The following TSNARE1 variants were observed in gnomAD, a reference collection of about 807,000 sequenced individuals.
TSNARE1 encodes the protein t-SNARE domain-containing protein 1.
Under a neutral mutation model 62.0 loss-of-function variants are expected in TSNARE1, and 49 were observed. That is an observed-to-expected ratio of 0.79 (90% CI 0.63 to 1.00). The LOEUF (loss-of-function observed/expected upper bound fraction) is 1.00, where lower values mean the gene tolerates loss of function less well. TSNARE1 is among the 50% of genes least tolerant of loss of function. TSNARE1 has a pLI of 0.00. For missense variants in TSNARE1, 755 were observed against 700.1 expected, an observed-to-expected ratio of 1.08 and a Z score of -0.88; for synonymous variants, 328 against 294.4, an observed-to-expected ratio of 1.11 and a Z score of -1.17.
intron 1 of TSNARE1, among the ~76,000 whole-genome samples, chr8:142,378,802 C>A (rs1027873215): frequency 1.1e-4 from 17 of 152,204 alleles, no homozygotes; most frequent in African/African-American, 4.1e-4. Flanking sequence ...GGCGCACGGG[C>A]GTGTTAGGTG....
chr8:142,280,332 G>A (rs1295863191), intron 11 of TSNARE1: 12 of 985,230 alleles, frequency 1.2e-5, no homozygotes, highest in African/African-American at 3.5e-5. Flanking sequence ...ACCCTGGAAA[G>A]GCACCAGAGG....
intron 12 of TSNARE1, among the ~76,000 whole-genome samples, chr8:142,267,030 T>C (rs1315655741): frequency 1.3e-5 from 2 of 152,246 alleles, no homozygotes; most frequent in Admixed American, 1.3e-4. Context: ...CTTTTTAGAA[T>C]CTTATTGCTC....
At chr8:142,321,787 T>C (rs1009982357) in intron 6 of TSNARE1, among the ~76,000 whole-genome samples, 3 of 152,222 alleles carry the variant, frequency 2.0e-5, no homozygotes, top group African/African-American at 7.2e-5. Flanking sequence ...TAGCTCTATA[T>C]GTATGGCAGA....
rs568396184 is a variant in TSNARE1 at position 142,227,424 on chromosome 8, C to A, written c.*11+2049G>T. ...TGACAGCCAGGAGCCCCAACCTGCC[C>A]ACAACCCCAGTGGCAGCCAGGACCT... On this transcript the variant is annotated intron_variant, in intron 13 of 13. Transcript: ENST00000524325. Among the ~76,000 whole-genome samples, 56 of 69,198 alleles carry A rather than the reference C, an allele frequency of 8.1e-4. 1 individual carries two copies. The highest frequency in any genetic ancestry group is 4.3e-3 in the East Asian group (13 of 3,010). The allele number at this position is 69,198 out of a possible 152,430, so 45.4% of individuals were successfully genotyped here.
At position 142,345,873 on chromosome 8, in the gene TSNARE1, G is replaced by T. The variant is rs758285654; in HGVS notation, c.108C>A (p.Thr36=). ...AGGGGAAATGGCGGATTCCATACTCGGTCCAACATCTAGCGCACTCTACGG... is the reference window on the plus strand; with the variant it reads ...AGGGGAAATGGCGGATTCCATACTCTGTCCAACATCTAGCGCACTCTACGG... The part of the protein sequence containing the change: ...CQPLECARCW[T]EYGIRHFPCP... Residue 36 remains threonine (T), a synonymous_variant, in exon 3 of 14, where the codon ACC becomes ACA. Transcript: ENST00000524325. The T allele has an allele frequency of 3.7e-6, 6 of 1,613,736 alleles. No individual in the cohort carries two copies. Among genetic ancestry groups the T allele is most frequent in the Non-Finnish European group, 4.2e-6 (5 of 1,179,832 alleles).
chr8:142,249,819 GA>G (rs1818070282), intron 12 of TSNARE1, among the ~76,000 whole-genome samples: 1 of 152,252 alleles, frequency 6.6e-6, no homozygotes, highest in Non-Finnish European at 1.5e-5. Flanking sequence ...GTCTTCGAGA[GA>G]GCTGGGGTCC....
intron 13 of TSNARE1, among the ~76,000 whole-genome samples, chr8:142,213,720 AG>A (rs754852293): frequency 6.6e-6 from 1 of 152,150 alleles, no homozygotes; most frequent in Non-Finnish European, 1.5e-5. Context: ...CACAGGAAGC[AG>A]GGAGGCGAGG....
In TSNARE1 at chr8:142,275,017, G is replaced by A. The variant is rs185820380; in HGVS notation, c.1364-154C>T. On this transcript the variant is annotated intron_variant, in intron 11 of 13. Transcript: ENST00000524325. Reference sequence around the variant, plus strand: ...TGGGCGCTGGGCTGCCAGACGTGCCGAGGGCTCCGCGTGGTGTGGGCAGTG... The same window carrying A: ...TGGGCGCTGGGCTGCCAGACGTGCCAAGGGCTCCGCGTGGTGTGGGCAGTG... 3.1e-5 allele frequency: 31 copies of A among 985,480 alleles called. No homozygotes were observed. In the East Asian group the frequency reaches 7.9e-4, roughly 25 times the overall value. 61.0% of individuals were successfully genotyped at this position (985,480 alleles called of 1,614,324 possible).
intron 11 of TSNARE1, chr8:142,275,678 G>C: frequency 1.0e-6 from 1 of 985,458 alleles, no homozygotes; most frequent in Non-Finnish European, 1.2e-6. Context: ...TCCTTGCAAG[G>C]CCTGCCTCCA....
At chr8:142,365,775 A>T (rs556336024) in intron 1 of TSNARE1, 19 of 253,206 alleles carry the variant, frequency 7.5e-5, no homozygotes, top group African/African-American at 3.5e-4. Flanking sequence ...AAAAGTCCTA[A>T]ATTAAACCTA....
chr8:142,281,578 C>T (rs559338156), intron 11 of TSNARE1, among the ~76,000 whole-genome samples: 4 of 152,034 alleles, frequency 2.6e-5, no homozygotes, highest in East Asian at 2.0e-4. Context: ...GAGGCCACAG[C>T]GCATGGAGTC....
At chr8:142,374,762 G>A (rs1479505035) in intron 1 of TSNARE1, among the ~76,000 whole-genome samples, 1 of 151,910 alleles carries the variant, frequency 6.6e-6, no homozygotes, top group East Asian at 1.9e-4. Flanking sequence ...CTGAAAAGGG[G>A]AAGGAGGCTC....
chr8:142,348,253 C>T (rs537972539), intron 2 of TSNARE1, among the ~76,000 whole-genome samples: 29 of 152,290 alleles, frequency 1.9e-4, no homozygotes, highest in African/African-American at 7.0e-4. Context: ...AGAACGTGCG[C>T]GGGTCACTAG....
At chr8:142,339,733 A>T (rs1226228969) in intron 4 of TSNARE1, among the ~76,000 whole-genome samples, 3 of 152,226 alleles carry the variant, frequency 2.0e-5, no homozygotes, top group Admixed American at 2.0e-4. Flanking sequence ...CTCCCGAGGG[A>T]GGTCTGCGGG....
At chr8:142,232,697 C>T (rs752087184) in intron 12 of TSNARE1, among the ~76,000 whole-genome samples, 20 of 152,230 alleles carry the variant, frequency 1.3e-4, no homozygotes, top group Non-Finnish European at 1.2e-4. Context: ...ATCACCAAGC[C>T]ACCGCTCCGT....
chr8:142,321,500 G>C (rs1293954643), intron 6 of TSNARE1, among the ~76,000 whole-genome samples: 1 of 152,080 alleles, frequency 6.6e-6, no homozygotes, highest in Non-Finnish European at 1.5e-5. Flanking sequence ...TAATAAAATA[G>C]CAAACAGACC....
At chr8:142,228,784 G>T (rs1466219942) in intron 13 of TSNARE1, among the ~76,000 whole-genome samples, 2 of 152,230 alleles carry the variant, frequency 1.3e-5, no homozygotes, top group South Asian at 4.1e-4. Flanking sequence ...AGAATGAATG[G>T]ATGCAAGGAA....
chr8:142,326,913 C>T (rs1329478346), intron 6 of TSNARE1, among the ~76,000 whole-genome samples: 1 of 152,206 alleles, frequency 6.6e-6, no homozygotes, highest in African/African-American at 2.4e-5. Flanking sequence ...GAGATCACCA[C>T]AAGACCCCAC....
At chr8:142,249,845 T>C (rs1421336691) in intron 12 of TSNARE1, among the ~76,000 whole-genome samples, 1 of 152,164 alleles carries the variant, frequency 6.6e-6, no homozygotes, top group Non-Finnish European at 1.5e-5. Flanking sequence ...GTGGGAAGCA[T>C]GGCAGCAAAG....
Sources: allele counts gnomAD v4.1 joint callset (sites outside exome capture counted in the v4.1 genomes callset), GRCh38; gene constraint gnomAD v4.1.1; transcripts MANE v1.5; gene names NCBI Gene and HGNC (gene_info 2026-07-23, HGNC 2026-07-21).